The following NXPH1 variants were observed in gnomAD, a reference collection of about 807,000 sequenced individuals.
NXPH1 encodes neurexophilin-1.
NXPH1 carries 5 observed loss-of-function variants against 23.7 expected under a neutral mutation model. The ratio of observed to expected loss-of-function variants is 0.21; its 90% CI spans 0.11 to 0.44. The LOEUF (loss-of-function observed/expected upper bound fraction) is 0.44. Among genes scored for constraint, NXPH1 ranks in the 20% least tolerant of loss-of-function variants. NXPH1 has a pLI of 0.99. For synonymous variants in NXPH1, 144 were observed against 122.2 expected (o/e 1.18, Z -1.18); for missense variants, 324 against 321.6 (o/e 1.01, Z -0.06).
intron 2 of NXPH1, among the ~76,000 whole-genome samples, chr7:8,748,254 A>G (rs895606752): frequency 6.6e-5 from 10 of 152,194 alleles, no homozygotes; most frequent in African/African-American, 2.2e-4. Flanking sequence ...CTATTTTGGT[A>G]TGAAGAAAAT....
intron 2 of NXPH1, among the ~76,000 whole-genome samples, chr7:8,567,915 C>G (rs556876028): frequency 6.6e-6 from 1 of 151,922 alleles, no homozygotes; most frequent in South Asian, 2.1e-4. Context: ...CTAGGAGTGG[C>G]CTTACATCGT....
intron 2 of NXPH1, among the ~76,000 whole-genome samples, chr7:8,708,234 G>A (rs1332447989): frequency 6.6e-6 from 1 of 152,144 alleles, no homozygotes; most frequent in Non-Finnish European, 1.5e-5. Context: ...TCATTCAACT[G>A]ACATGAAGGA....
chr7:8,571,723 G>C (rs957822608), intron 2 of NXPH1, among the ~76,000 whole-genome samples: 8 of 151,836 alleles, frequency 5.3e-5, no homozygotes, highest in African/African-American at 1.9e-4. Context: ...TGGTTCCTCT[G>C]TCAAGTATAA....
chr7:8,625,389 A>G (rs2115128580), intron 2 of NXPH1, among the ~76,000 whole-genome samples: 1 of 152,272 alleles, frequency 6.6e-6, no homozygotes, highest in African/African-American at 2.4e-5. Flanking sequence ...ACTTTACTCC[A>G]TTATAAACTT....
At chr7:8,528,470 T>C (rs1223141738) in intron 2 of NXPH1, among the ~76,000 whole-genome samples, 1 of 152,258 alleles carries the variant, frequency 6.6e-6, no homozygotes, top group Non-Finnish European at 1.5e-5. Flanking sequence ...AGACACATGA[T>C]TCATTTTAAC....
intron 2 of NXPH1, among the ~76,000 whole-genome samples, chr7:8,457,232 C>T (rs971653700): frequency 6.6e-6 from 1 of 152,172 alleles, no homozygotes; most frequent in African/African-American, 2.4e-5. Context: ...CATTTTACAA[C>T]AGTTGGCAAC....
At chr7:8,581,005 C>T (rs916888634) in intron 2 of NXPH1, among the ~76,000 whole-genome samples, 1 of 151,968 alleles carries the variant, frequency 6.6e-6, no homozygotes, top group African/African-American at 2.4e-5. Flanking sequence ...ATGCTAAATC[C>T]CTGAGCAAGA....
In NXPH1 at chr7:8,591,567, T is replaced by C. The variant is rs1417544477; in HGVS notation, c.54+155800T>C. On this transcript the variant is annotated intron_variant, in intron 2 of 2. Transcript: ENST00000405863. ...CACATCTCTTCAACCAATATGAACA[T>C]TCTTCTTCTCCCTTAATCTTGCAAA... 3.3e-5 allele frequency among the ~76,000 whole-genome samples: 5 copies of C among 152,078 alleles called. No individual in the cohort carries two copies. In the East Asian group the frequency reaches 9.7e-4, roughly 29 times the overall value.
chr7:8,638,191 C>G lies in NXPH1; in HGVS notation c.55-112817C>G, dbSNP rs990507503. Among the ~76,000 whole-genome samples the G allele has an allele frequency of 3.3e-5, 5 of 152,294 alleles. No homozygotes were observed. The South Asian group carries it at 8.3e-4, about 25-fold the overall frequency. On this transcript the variant is annotated intron_variant, in intron 2 of 2. Coordinates refer to ENST00000405863, the MANE Select transcript of NXPH1 (RefSeq NM_152745.3). Reference sequence around the variant, plus strand: ...GAGCTAGGAAAACAAAGCAGAAAGTCTGGGAGAAGAGCCAACATCTACAAT... The same window carrying G: ...GAGCTAGGAAAACAAAGCAGAAAGTGTGGGAGAAGAGCCAACATCTACAAT...
At chr7:8,535,996 T>C (rs1818019935) in intron 2 of NXPH1, among the ~76,000 whole-genome samples, 1 of 151,974 alleles carries the variant, frequency 6.6e-6, no homozygotes, top group Non-Finnish European at 1.5e-5. Context: ...GGTCTCAACT[T>C]GTGTGATCCT....
At chr7:8,688,315 A>G (rs1404143761) in intron 2 of NXPH1, among the ~76,000 whole-genome samples, 1 of 152,204 alleles carries the variant, frequency 6.6e-6, no homozygotes, top group Admixed American at 6.5e-5. Flanking sequence ...ATTATACATT[A>G]TAAATTCGTT....
chr7:8,715,701 GATAA>G (rs1779865721), intron 2 of NXPH1, among the ~76,000 whole-genome samples: 11 of 152,174 alleles, frequency 7.2e-5, no homozygotes, highest in Admixed American at 7.2e-4. Context: ...ACACGGGTTA[GATAA>G]GAGTCTTCAA....
chr7:8,472,752 G>A (rs183586791), intron 2 of NXPH1, among the ~76,000 whole-genome samples: 1 of 152,166 alleles, frequency 6.6e-6, no homozygotes, highest in Non-Finnish European at 1.5e-5. Context: ...AAACTAGGCT[G>A]CTGAAGGAAT....
intron 2 of NXPH1, among the ~76,000 whole-genome samples, chr7:8,634,402 A>G (rs1309123979): frequency 6.6e-6 from 1 of 152,098 alleles, no homozygotes. Context: ...ATTTTTACTT[A>G]GTAAATTTAA....
intron 2 of NXPH1, among the ~76,000 whole-genome samples, chr7:8,729,093 T>C (rs1156883278): frequency 6.6e-6 from 1 of 152,210 alleles, no homozygotes; most frequent in Non-Finnish European, 1.5e-5. Context: ...GAGGAATTTA[T>C]CCATTTCTTC....
intron 2 of NXPH1, among the ~76,000 whole-genome samples, chr7:8,658,952 C>A: frequency 6.6e-6 from 1 of 151,070 alleles, no homozygotes; most frequent in African/African-American, 2.4e-5. Flanking sequence ...CTGTGATTTA[C>A]AGAAGAATAG....
chr7:8,744,226 G>C (rs1780430256), intron 2 of NXPH1, among the ~76,000 whole-genome samples: 1 of 152,124 alleles, frequency 6.6e-6, no homozygotes, highest in Admixed American at 6.5e-5. Context: ...GAATGTTTCT[G>C]AAACAATGAG....
At chr7:8,516,005 C>T (rs1817681285) in intron 2 of NXPH1, among the ~76,000 whole-genome samples, 1 of 152,088 alleles carries the variant, frequency 6.6e-6, no homozygotes, top group Non-Finnish European at 1.5e-5. Context: ...CAACTTCTGT[C>T]TTAGTCATAT....
intron 2 of NXPH1, among the ~76,000 whole-genome samples, chr7:8,584,819 C>G (rs117922141): frequency 2.1e-4 from 32 of 152,248 alleles, no homozygotes; most frequent in Non-Finnish European, 3.8e-4. Context: ...AAATTATTAC[C>G]TATCTCAGTG....
Sources: gnomAD v4.1 joint callset for allele counts (sites outside exome capture counted in the v4.1 genomes callset) on GRCh38, gnomAD v4.1.1 for gene constraint, MANE v1.5 for transcripts, NCBI Gene and HGNC (gene_info 2026-07-23, HGNC 2026-07-21) for gene names.